MACROD1: variants seen among roughly 807,000 people sequenced by gnomAD.
MACROD1 encodes mono-ADP ribosylhydrolase 1, also known as ADP-ribose glycohydrolase MACROD1.
MACROD1 carries 31 observed loss-of-function variants against 41.4 expected under a neutral mutation model. The observed-to-expected ratio is 0.75, with a 90% CI of 0.56 to 1.01. MACROD1 has a LOEUF of 1.01. Among genes scored for constraint, MACROD1 ranks in the 50% least tolerant of loss-of-function variants. MACROD1 has a pLI of 0.00. For missense variants in MACROD1, 473 were observed against 460.0 expected (o/e 1.03, Z -0.26); for synonymous variants, 252 against 203.4 (o/e 1.24, Z -2.03).
intron 3 of MACROD1, among the ~76,000 whole-genome samples, chr11:64,114,284 A>T (rs1944927297): frequency 6.8e-6 from 1 of 147,686 alleles, no homozygotes; most frequent in Admixed American, 6.8e-5. Context: ...GGATGGATGG[A>T]CAGGTGGATG....
At chr11:64,016,617 G>A (rs1943084871) in intron 3 of MACROD1, among the ~76,000 whole-genome samples, 1 of 152,280 alleles carries the variant, frequency 6.6e-6, no homozygotes, top group Non-Finnish European at 1.5e-5. Flanking sequence ...GTCTCCCAGA[G>A]CTGACAGCTC....
intron 3 of MACROD1, among the ~76,000 whole-genome samples, chr11:64,017,107 C>T (rs951851250): frequency 1.3e-5 from 2 of 152,124 alleles, no homozygotes; most frequent in Non-Finnish European, 2.9e-5. Context: ...GTAGCTGGGA[C>T]TACAGGCATG....
intron 3 of MACROD1, among the ~76,000 whole-genome samples, chr11:64,052,688 G>A (rs555881851): frequency 6.6e-6 from 1 of 152,354 alleles, no homozygotes; most frequent in East Asian, 1.9e-4. Flanking sequence ...TTGCAAATGA[G>A]GAAATGGCGC....
intron 3 of MACROD1, among the ~76,000 whole-genome samples, chr11:64,051,624 G>A (rs1036743544): frequency 6.6e-6 from 1 of 152,190 alleles, no homozygotes; most frequent in Admixed American, 6.5e-5. Context: ...TGCGTGGAGC[G>A]GGCAGTGGGC....
At chr11:64,116,525 C>T (rs765820481) in intron 3 of MACROD1, 55 of 1,613,958 alleles carry the variant, frequency 3.4e-5, no homozygotes, top group Non-Finnish European at 4.1e-5. Flanking sequence ...CCACCACCCT[C>T]TACCTGCAGA....
chr11:64,008,261 G>C (rs907090882), intron 4 of MACROD1, among the ~76,000 whole-genome samples: 1 of 152,168 alleles, frequency 6.6e-6, no homozygotes, highest in South Asian at 2.1e-4. Context: ...GGTGGCAAGA[G>C]AAAGAGGTGA....
At chr11:64,093,344 T>G (rs1266663389) in intron 3 of MACROD1, among the ~76,000 whole-genome samples, 2 of 152,178 alleles carry the variant, frequency 1.3e-5, no homozygotes, top group Admixed American at 1.3e-4. Flanking sequence ...TCCTTACCCG[T>G]AAGAGCTCAC....
intron 3 of MACROD1, among the ~76,000 whole-genome samples, chr11:64,066,331 G>A (rs1025941867): frequency 1.1e-4 from 17 of 149,434 alleles, no homozygotes; most frequent in African/African-American, 4.2e-4. Flanking sequence ...ATGAATTTAG[G>A]CCAAGCATGG....
At chr11:64,124,404 CT>C (rs1353602360) in intron 3 of MACROD1, among the ~76,000 whole-genome samples, 5 of 152,200 alleles carry the variant, frequency 3.3e-5, no homozygotes, top group Admixed American at 2.6e-4. Context: ...GCCTGGGGCA[CT>C]TTTCACTCTG....
intron 3 of MACROD1, among the ~76,000 whole-genome samples, chr11:64,105,042 G>A (rs1944734676): frequency 1.3e-5 from 2 of 152,240 alleles, no homozygotes. Flanking sequence ...TTGCACCAGG[G>A]CCTGGGACAT....
chr11:64,034,053 C>T (rs578100367), intron 3 of MACROD1, among the ~76,000 whole-genome samples: 4 of 152,308 alleles, frequency 2.6e-5, no homozygotes, highest in South Asian at 4.1e-4. Context: ...ATTGAGTGCC[C>T]GCGCTCTGTG....
At chr11:64,021,891 T>C (rs867378974) in intron 3 of MACROD1, among the ~76,000 whole-genome samples, 1 of 133,458 alleles carries the variant, frequency 7.5e-6, no homozygotes, top group Non-Finnish European at 1.6e-5. Context: ...TCCCTGTGAG[T>C]GCCAGAGGCC....
chr11:64,021,406 G>A (rs975574388), intron 3 of MACROD1, among the ~76,000 whole-genome samples: 3 of 152,250 alleles, frequency 2.0e-5, no homozygotes, highest in Non-Finnish European at 4.4e-5. Flanking sequence ...CCAGCCCAGG[G>A]AGGGGGGCTG....
In MACROD1 at chr11:64,015,240, A is replaced by G. The variant is rs1271361858; in HGVS notation, c.547+12T>C. The G allele has an allele frequency of 1.3e-6, 2 of 1,598,712 alleles. No individual in the cohort carries two copies. The highest frequency in any genetic ancestry group is 1.7e-6 in the Non-Finnish European group (2 of 1,172,732). On this transcript the variant is annotated intron_variant, in intron 4 of 10. Coordinates refer to ENST00000255681, the MANE Select transcript of MACROD1 (RefSeq NM_014067.4). ...CACACCCCACCCCCACCAAGACAGA[A>G]GGTCCACTCACCGCCACCGCCTCCG...
intron 4 of MACROD1, among the ~76,000 whole-genome samples, chr11:64,005,522 G>T (rs1383122842): frequency 6.6e-6 from 1 of 152,228 alleles, no homozygotes; most frequent in Non-Finnish European, 1.5e-5. Flanking sequence ...GCAAGGTTGT[G>T]GGGGTGAGTG....
chr11:64,159,766 C>T (rs1012887193), intron 1 of MACROD1, among the ~76,000 whole-genome samples: 1 of 152,090 alleles, frequency 6.6e-6, no homozygotes, highest in Non-Finnish European at 1.5e-5. Flanking sequence ...TGCACTCCAG[C>T]CTGGGCAACA....
intron 3 of MACROD1, among the ~76,000 whole-genome samples, chr11:64,137,782 G>A (rs1945352769): frequency 6.6e-6 from 1 of 152,210 alleles, no homozygotes. Context: ...TGGAAAGCAC[G>A]TGCTGAGGGC....
chr11:64,025,523 G>A (rs1050481026), intron 3 of MACROD1, among the ~76,000 whole-genome samples: 1 of 152,194 alleles, frequency 6.6e-6, no homozygotes, highest in Admixed American at 6.5e-5. Flanking sequence ...CCTCCCTGCA[G>A]AGGTGTCCAC....
chr11:64,102,912 A>T (rs560831174), intron 3 of MACROD1, among the ~76,000 whole-genome samples: 20 of 151,028 alleles, frequency 1.3e-4, no homozygotes, highest in African/African-American at 4.4e-4. Flanking sequence ...ACTAAAATTA[A>T]AAAAAAAAAT....
Sources: gnomAD v4.1 joint callset for allele counts (sites outside exome capture counted in the v4.1 genomes callset) on GRCh38, gnomAD v4.1.1 for gene constraint, MANE v1.5 for transcripts, NCBI Gene and HGNC (gene_info 2026-07-23, HGNC 2026-07-21) for gene names.